The following TIAM2 variants were observed in gnomAD, a reference collection of about 807,000 sequenced individuals.
TIAM2 encodes rho guanine nucleotide exchange factor TIAM2.
Under a neutral mutation model 152.9 loss-of-function variants are expected in TIAM2, and 80 were observed. The observed-to-expected ratio is 0.52, with a 90% CI of 0.44 to 0.63. The LOEUF is 0.63. Among genes scored for constraint, TIAM2 ranks in the 30% least tolerant of loss-of-function variants. TIAM2 has a pLI of 0.00. For synonymous variants in TIAM2, 804 were observed against 838.0 expected, an observed-to-expected ratio of 0.96 and a Z score of 0.70; for missense variants, 1,965 against 2,120.1, an observed-to-expected ratio of 0.93 and a Z score of 1.44.
At chr6:155,096,076 C>T (rs1778414764) in intron 2 of TIAM2, among the ~76,000 whole-genome samples, 1 of 152,084 alleles carries the variant, frequency 6.6e-6, no homozygotes, top group African/African-American at 2.4e-5. Context: ...TTATCCGTTA[C>T]TCTTTGTAAA....
chr6:155,187,708 A>C (rs1781083453), intron 14 of TIAM2, among the ~76,000 whole-genome samples: 1 of 150,646 alleles, frequency 6.6e-6, no homozygotes, highest in South Asian at 2.1e-4. Flanking sequence ...CCTCCCGAGT[A>C]GCTGGGATTA....
intron 1 of TIAM2, among the ~76,000 whole-genome samples, chr6:155,063,004 T>G (rs1777620171): frequency 6.6e-6 from 1 of 152,218 alleles, no homozygotes; most frequent in Non-Finnish European, 1.5e-5. Flanking sequence ...ATTAAAAAAC[T>G]GGGTTGTTGG....
intron 2 of TIAM2, among the ~76,000 whole-genome samples, chr6:155,121,165 A>G (rs956118217): frequency 2.0e-5 from 3 of 152,030 alleles, no homozygotes; most frequent in African/African-American, 7.2e-5. Flanking sequence ...TTTTAATAAG[A>G]TCTAATATCA....
chr6:155,137,489 G>A lies in TIAM2; in HGVS notation c.1507G>A (p.Glu503Lys). The A allele has an allele frequency of 6.2e-7, 1 of 1,614,234 alleles. No individual in the cohort carries two copies. The highest frequency in any genetic ancestry group is 2.2e-5 in the East Asian group (1 of 44,890). Residue 503 changes from glutamate to lysine, a missense_variant, in exon 5 of 27, where the codon GAA (glutamate) becomes AAA (lysine). Coordinates refer to ENST00000682666, the MANE Select transcript of TIAM2 (RefSeq NM_012454.4). ...ACAGCTGGATCTGCTCTTTGAGAAG[G>A]AACAGGGGGTGGTCCGGAAGGCCGG... is the stretch of plus-strand genomic sequence containing the variant. ...LEQLDLLFEK[E>K]QGVVRKAGWL...
intron 2 of TIAM2, chr6:155,122,113 A>T (rs1264295498): frequency 3.3e-5 from 5 of 152,402 alleles, no homozygotes; most frequent in Admixed American, 6.5e-5. Flanking sequence ...TCCTCCTGAA[A>T]GCTGTTTTTC....
intron 1 of TIAM2, among the ~76,000 whole-genome samples, chr6:155,064,076 C>T (rs1234534803): frequency 6.6e-6 from 1 of 152,106 alleles, no homozygotes; most frequent in East Asian, 1.9e-4. Context: ...GGCTAGATGT[C>T]TTACAGCTTT....
chr6:155,183,459 T>C lies in TIAM2; in HGVS notation c.3023T>C (p.Leu1008Pro), dbSNP rs763607271. The change falls in exon 14 of 27, where the codon CTG becomes CCG. Residue 1008 changes from leucine (L) to proline (P), a missense_variant. By Grantham distance (98) the Leu-to-Pro change is moderately conservative. Around this residue, in one of 3 missense-constraint regions of TIAM2, gnomAD observed 935 missense variants for 980.0 expected, o/e 0.95. Coordinates refer to ENST00000682666, the MANE Select transcript of TIAM2 (RefSeq NM_012454.4). ...CCCCCTCCTAACCAGTCCCAACTGC[T>C]GGAGGAATTCCTGGATAACTTTAAA... ...LLPPPNQSQL[L>P]EEFLDNFKKN... 25 of 1,613,764 alleles carry C rather than the reference T, an allele frequency of 1.5e-5. No individual in the cohort carries two copies. The highest frequency in any genetic ancestry group is 3.3e-4 in the Middle Eastern group (2 of 6,010).
intron 9 of TIAM2, among the ~76,000 whole-genome samples, chr6:155,171,544 C>T (rs972341058): frequency 1.3e-5 from 2 of 151,560 alleles, no homozygotes; most frequent in Non-Finnish European, 2.9e-5. Context: ...TAGTCATGAG[C>T]TGTAAACTGA....
chr6:155,187,573 C>CCCTTTTTT (rs1189509294), intron 14 of TIAM2, among the ~76,000 whole-genome samples: 16 of 49,622 alleles, frequency 3.2e-4, no homozygotes, highest in African/African-American at 8.7e-4. Flanking sequence ...ACCCCGCCCC[C>CCCTTTTTT]TTTTTTTTTT....
intron 11 of TIAM2, 40 bp from the exon 12 acceptor site, chr6:155,179,333 TCATAA>T: frequency 1.3e-6 from 2 of 1,591,836 alleles, no homozygotes; most frequent in East Asian, 2.2e-5. Context: ...TTTTGAGGTA[TCATAA>T]CATGAGATCC....
At chr6:155,110,573 A>G (rs1778816683) in intron 2 of TIAM2, among the ~76,000 whole-genome samples, 1 of 152,190 alleles carries the variant, frequency 6.6e-6, no homozygotes, top group South Asian at 2.1e-4. Flanking sequence ...AGGTTTGATT[A>G]GACTTCATCT....
intron 1 of TIAM2, among the ~76,000 whole-genome samples, chr6:155,075,034 G>T (rs868742684): frequency 2.0e-5 from 3 of 152,024 alleles, no homozygotes; most frequent in Middle Eastern, 3.4e-3. Flanking sequence ...TGCAGCCGCG[G>T]CTCTGGACCA....
chr6:155,179,845 C>T (rs994115778), intron 12 of TIAM2, among the ~76,000 whole-genome samples: 2 of 152,224 alleles, frequency 1.3e-5, no homozygotes, highest in African/African-American at 4.8e-5. Context: ...GAATGCTCCC[C>T]TTCTTTCCTC....
intron 1 of TIAM2, among the ~76,000 whole-genome samples, chr6:155,051,867 T>C (rs919970226): frequency 6.6e-6 from 1 of 152,144 alleles, no homozygotes; most frequent in South Asian, 2.1e-4. Context: ...CTCGAACTCG[T>C]GACTTCAGGC....
At chr6:155,155,782 GT>G (rs1780091483) in intron 7 of TIAM2, among the ~76,000 whole-genome samples, 1 of 152,238 alleles carries the variant, frequency 6.6e-6, no homozygotes, top group Non-Finnish European at 1.5e-5. Context: ...GCCTGGAAAT[GT>G]TTTTGTTAGG....
At chr6:155,107,169 G>C (rs1388894338) in intron 2 of TIAM2, among the ~76,000 whole-genome samples, 1 of 151,788 alleles carries the variant, frequency 6.6e-6, no homozygotes, top group African/African-American at 2.4e-5. Flanking sequence ...CAAAGGTAAG[G>C]TTATAAATGT....
intron 2 of TIAM2, among the ~76,000 whole-genome samples, chr6:155,108,393 G>A (rs1222494515): frequency 6.6e-6 from 1 of 152,160 alleles, no homozygotes; most frequent in African/African-American, 2.4e-5. Context: ...GAGCCAGCAA[G>A]CACTGAGAGC....
chr6:154,997,926 C>T (rs1778246732), intron 1 of TIAM2, among the ~76,000 whole-genome samples: 1 of 152,060 alleles, frequency 6.6e-6, no homozygotes, highest in African/African-American at 2.4e-5. Flanking sequence ...GCATGAGCCA[C>T]CGTGTCCGGC....
At chr6:155,070,388 T>C (rs1777814613) in intron 1 of TIAM2, among the ~76,000 whole-genome samples, 1 of 151,652 alleles carries the variant, frequency 6.6e-6, no homozygotes, top group Admixed American at 6.6e-5. Context: ...GGCTAATTTT[T>C]GTATTTTTAG....
Sources: gnomAD v4.1 joint callset for allele counts (sites outside exome capture counted in the v4.1 genomes callset) on GRCh38, gnomAD v4.1.1 for gene constraint, gnomAD v4.1.1 regional missense constraint, MANE v1.5 for transcripts, NCBI Gene and HGNC (gene_info 2026-07-23, HGNC 2026-07-21) for gene names.